Variants in PCDH9 observed in about 807,000 individuals in gnomAD.
The protein encoded by PCDH9 is protocadherin-9.
In PCDH9, 24 loss-of-function variants were observed where a neutral mutation model predicts 70.6. The ratio of observed to expected loss-of-function variants is 0.34; its 90% confidence interval spans 0.25 to 0.48. The LOEUF (loss-of-function observed/expected upper bound fraction) is 0.48. PCDH9 is among the 20% of genes least tolerant of loss of function. The pLI is 0.99. For synonymous variants in PCDH9, 562 were observed against 558.5 expected (o/e 1.01, Z -0.09); for missense variants, 1,281 against 1,503.6 (o/e 0.85, Z 2.45).
At chr13:66,349,690 A>T (rs138635920) in intron 4 of PCDH9, among the ~76,000 whole-genome samples, 2 of 152,242 alleles carry the variant, frequency 1.3e-5, no homozygotes, top group Admixed American at 1.3e-4. Flanking sequence ...TGCTACCTTT[A>T]CCTGGCTTAG....
intron 2 of PCDH9, among the ~76,000 whole-genome samples, chr13:66,991,350 T>A (rs891470842): frequency 3.3e-5 from 5 of 152,050 alleles, no homozygotes; most frequent in African/African-American, 1.2e-4. Flanking sequence ...TTTGATCATG[T>A]ATGTCAAGAT....
rs879773251 is a variant in PCDH9 at position 66,513,719 on chromosome 13, T to TA, written c.3340+117490dup. Among the ~76,000 whole-genome samples, 319 of 136,066 alleles carry TA rather than the reference T, an allele frequency of 2.3e-3. 1 individual carries two copies. Among genetic ancestry groups the TA allele is most frequent in the Non-Finnish European group, 2.0e-3 (125 of 62,342 alleles). 89.3% of individuals were successfully genotyped at this position (136,066 alleles called of 152,430 possible). On this transcript the variant is annotated intron_variant, in intron 4 of 4. Coordinates refer to ENST00000377865, the MANE Select transcript of PCDH9 (RefSeq NM_203487.3). ...ATACAAATGTGTAACCTTTCTTAAG[T>TA]AAAAAAAAAAAAAGCCTGAACTATA...
chr13:67,035,914 A>C (rs929706952), intron 2 of PCDH9, among the ~76,000 whole-genome samples: 1 of 152,132 alleles, frequency 6.6e-6, no homozygotes, highest in Non-Finnish European at 1.5e-5. Context: ...TCATCTGGCC[A>C]CACCCCAATT....
At position 66,760,073 on chromosome 13, in the gene PCDH9, T is replaced by C. The variant is rs904703065; in HGVS notation, c.3139-128662A>G. Among the ~76,000 whole-genome samples, 18 of 151,922 alleles carry C rather than the reference T, an allele frequency of 1.2e-4. No individual in the cohort carries two copies. The East Asian group carries it at 2.1e-3, about 18-fold the overall frequency. On this transcript the variant is annotated intron_variant, in intron 3 of 4. Coordinates refer to ENST00000377865, the MANE Select transcript of PCDH9 (RefSeq NM_203487.3). ...AAGCTTTTGTTTTTCTGTGAAATTATTTATCTCTCCTTCATTTCAGAAAGA... is the reference window on the plus strand; with the variant it reads ...AAGCTTTTGTTTTTCTGTGAAATTACTTATCTCTCCTTCATTTCAGAAAGA...
At chr13:66,413,706 A>G (rs1333854162) in intron 4 of PCDH9, among the ~76,000 whole-genome samples, 1 of 151,902 alleles carries the variant, frequency 6.6e-6, no homozygotes, top group African/African-American at 2.4e-5. Flanking sequence ...ATAAAATAAA[A>G]TAAAATAAAA....
intron 4 of PCDH9, among the ~76,000 whole-genome samples, chr13:66,431,340 T>C (rs1487807097): frequency 6.6e-6 from 1 of 152,034 alleles, no homozygotes; most frequent in East Asian, 1.9e-4. Flanking sequence ...ATTAATATCT[T>C]GATTTAACTA....
At chr13:67,188,192 T>C (rs531421191) in intron 2 of PCDH9, among the ~76,000 whole-genome samples, 11 of 152,272 alleles carry the variant, frequency 7.2e-5, no homozygotes, top group Admixed American at 2.0e-4. Flanking sequence ...TTTCTGTGTA[T>C]GTATGTGAGA....
chr13:67,144,456 C>G (rs1411866932), intron 2 of PCDH9, among the ~76,000 whole-genome samples: 2 of 152,104 alleles, frequency 1.3e-5, no homozygotes, highest in African/African-American at 4.8e-5. Flanking sequence ...TCTGAACCAT[C>G]TCAATTAGTG....
At chr13:66,532,720 G>A (rs566485760) in intron 4 of PCDH9, among the ~76,000 whole-genome samples, 2 of 152,040 alleles carry the variant, frequency 1.3e-5, no homozygotes, top group East Asian at 1.9e-4. Context: ...CGGTAGAGAC[G>A]GGGTTTCACT....
At chr13:66,530,282 A>G (rs574064627) in intron 4 of PCDH9, among the ~76,000 whole-genome samples, 12 of 152,200 alleles carry the variant, frequency 7.9e-5, no homozygotes, top group Non-Finnish European at 1.5e-4. Flanking sequence ...CCAGTGGCCA[A>G]CTTTTCAGAC....
chr13:66,994,090 G>A (rs2084057606), intron 2 of PCDH9, among the ~76,000 whole-genome samples: 1 of 152,168 alleles, frequency 6.6e-6, no homozygotes, highest in Non-Finnish European at 1.5e-5. Flanking sequence ...GTAGAGCTTA[G>A]GAAACAGAAG....
At chr13:66,755,313 G>A (rs553789592) in intron 3 of PCDH9, among the ~76,000 whole-genome samples, 1 of 152,258 alleles carries the variant, frequency 6.6e-6, no homozygotes, top group East Asian at 1.9e-4. Context: ...TTAGTGTATT[G>A]TAAACACTCT....
In PCDH9 at chr13:67,028,495, C is replaced by G. The variant is rs1411336764; in HGVS notation, c.3037-124890G>C. ...ATGACGAGTTAATGGGTGCAGCACA[C>G]CAGCATGGCACATGTACACATATGT... On this transcript the variant is annotated intron_variant, in intron 2 of 4. Coordinates refer to ENST00000377865, the MANE Select transcript of PCDH9 (RefSeq NM_203487.3). Among the ~76,000 whole-genome samples, 5 of 151,242 alleles carry G rather than the reference C, an allele frequency of 3.3e-5. No individual in the cohort carries two copies. The East Asian group carries it at 9.8e-4, about 30-fold the overall frequency.
chr13:66,525,698 G>A (rs76203550), intron 4 of PCDH9, among the ~76,000 whole-genome samples: 2,614 of 152,140 alleles, frequency 0.017, 54 homozygotes, highest in African/African-American at 0.06. Flanking sequence ...AAGTTTCAAG[G>A]TGTTAAGATG....
At chr13:67,195,005 A>G (rs2138033030) in intron 2 of PCDH9, among the ~76,000 whole-genome samples, 1 of 152,232 alleles carries the variant, frequency 6.6e-6, no homozygotes, top group East Asian at 1.9e-4. Context: ...GAAAATAGGA[A>G]CCTGGATCAC....
chr13:66,837,470 G>A (rs954904216), intron 3 of PCDH9, among the ~76,000 whole-genome samples: 2 of 152,074 alleles, frequency 1.3e-5, no homozygotes, highest in African/African-American at 4.8e-5. Context: ...CCCTGCCCAC[G>A]ACCGCTGCGT....
At chr13:66,824,709 T>TATATATACACACACAC (rs2080786006) in intron 3 of PCDH9, among the ~76,000 whole-genome samples, 2 of 134,526 alleles carry the variant, frequency 1.5e-5, no homozygotes, top group African/African-American at 5.9e-5. Context: ...CACACACACA[T>TATATATACACACACAC]ATATATATAC....
At chr13:66,771,221 C>T (rs1384591956) in intron 3 of PCDH9, among the ~76,000 whole-genome samples, 1 of 152,140 alleles carries the variant, frequency 6.6e-6, no homozygotes, top group South Asian at 2.1e-4. Flanking sequence ...TAGCTAGGAC[C>T]ATAGGTGTGC....
intron 2 of PCDH9, among the ~76,000 whole-genome samples, chr13:67,200,719 T>C (rs75864473): frequency 0.018 from 2,795 of 152,162 alleles, 33 homozygotes; most frequent in Non-Finnish European, 0.027. Context: ...TCAGTTAAAG[T>C]GCAAATTGCT....
Sources: allele counts gnomAD v4.1 joint callset (sites outside exome capture counted in the v4.1 genomes callset), GRCh38; gene constraint gnomAD v4.1.1; transcripts MANE v1.5; gene names NCBI Gene and HGNC (gene_info 2026-07-23, HGNC 2026-07-21).